Variants in REV1 observed in about 807,000 individuals in gnomAD.
The protein encoded by REV1 is REV1 DNA directed polymerase, also known as translesion synthesis protein REV1.
REV1 carries 42 observed loss-of-function variants against 137.4 expected under a neutral mutation model. The ratio of observed to expected loss-of-function variants is 0.31; its 90% CI spans 0.24 to 0.40. The LOEUF (loss-of-function observed/expected upper bound fraction) is 0.40, where lower values mean the gene tolerates loss of function less well. REV1 is among the 10% of genes least tolerant of loss of function. REV1 has a pLI of 1.00. For missense variants in REV1, 1,282 were observed against 1,490.1 expected (o/e 0.86, Z 2.30); for synonymous variants, 524 against 519.2 (o/e 1.01, Z -0.12).
At chr2:99,456,120 T>C (rs1683513943) in intron 3 of REV1, among the ~76,000 whole-genome samples, 2 of 152,236 alleles carry the variant, frequency 1.3e-5, no homozygotes, top group South Asian at 2.1e-4. Context: ...CAGATTACAA[T>C]GCAGGCCTCA....
chr2:99,410,755 G>A lies in REV1; in HGVS notation c.2285C>T (p.Pro762Leu). Residue 762 changes from proline (P) to leucine (L), a missense_variant, in exon 14 of 23, where the codon CCT becomes CTT. Physicochemically the swap from Pro to Leu is moderately conservative, Grantham distance 98 (BLOSUM62 -3). Transcript: ENST00000258428. ...TTTTGCAGTTTCTACAGGAGCCCCA[G>A]GCTTTCGTACCATGATTTTGAGAGT... ...RLTLKIMVRK[P>L]GAPVETAKFG... 6.2e-7 allele frequency: 1 copy of A among 1,610,434 alleles called. No individual in the cohort carries two copies. The highest frequency in any genetic ancestry group is 1.3e-5 in the African/African-American group (1 of 74,684).
Position 99,458,300 on chromosome 2 carries a change from A to C in REV1, c.181+4196T>G, listed in dbSNP as rs141616057. Among the ~76,000 whole-genome samples, 508 of 152,344 alleles carry C rather than the reference A, an allele frequency of 3.3e-3. 3 individuals are homozygous for C. Among genetic ancestry groups the C allele is most frequent in the African/African-American group, 0.012 (492 of 41,582 alleles). On this transcript the variant is annotated intron_variant, in intron 3 of 22. Transcript: ENST00000258428. ...GGAAAAAAATATGAACAAATGTTTC[A>C]CCAATGATGATGTAAAGATAAGAAA...
chr2:99,420,374 A>G (rs1422714100), intron 11 of REV1, among the ~76,000 whole-genome samples: 1 of 152,150 alleles, frequency 6.6e-6, no homozygotes, highest in African/African-American at 2.4e-5. Context: ...CTCCTGCCCT[A>G]AATTGTCCCA....
intron 7 of REV1, 146 bp from the exon 8 acceptor site, chr2:99,434,594 T>C: frequency 2.2e-6 from 1 of 462,112 alleles, no homozygotes; most frequent in Non-Finnish European, 3.8e-6. Flanking sequence ...GCTAATACTT[T>C]AAAGATTATC....
intron 4 of REV1, among the ~76,000 whole-genome samples, chr2:99,448,072 T>G (rs1388108880): frequency 6.6e-6 from 1 of 152,230 alleles, no homozygotes; most frequent in Non-Finnish European, 1.5e-5. Flanking sequence ...AAGCCAAGTA[T>G]GTCTCCAGAG....
At chr2:99,489,434 G>A (rs1453745629) in intron 1 of REV1, among the ~76,000 whole-genome samples, 1 of 151,790 alleles carries the variant, frequency 6.6e-6, no homozygotes, top group Non-Finnish European at 1.5e-5. Context: ...GGCGCAGGAG[G>A]AAGGAGTTTG....
chr2:99,451,584 G>A, intron 3 of REV1: 2 of 894,148 alleles, frequency 2.2e-6, no homozygotes, highest in Admixed American at 4.9e-5. Flanking sequence ...TGAGTTGTGT[G>A]ACTTTGGAGA....
chr2:99,482,383 G>A (rs1041848957), intron 1 of REV1, among the ~76,000 whole-genome samples: 5 of 152,130 alleles, frequency 3.3e-5, no homozygotes, highest in African/African-American at 1.2e-4. Context: ...TGAGGTCTGC[G>A]AGTCATTCTA....
chr2:99,405,757 ACAT>A (rs1676191109), intron 17 of REV1, 150 bp downstream of exon 17: 1 of 495,220 alleles, frequency 2.0e-6, no homozygotes, highest in South Asian at 6.3e-5. Flanking sequence ...TTAGAATCCA[ACAT>A]CATGATCTAC....
chr2:99,453,234 C>T (rs1450148965), intron 3 of REV1, among the ~76,000 whole-genome samples: 2 of 151,850 alleles, frequency 1.3e-5, no homozygotes, highest in Admixed American at 1.3e-4. Context: ...TGGCACGTGC[C>T]TGTAGTCCCA....
chr2:99,485,351 A>G lies in REV1; in HGVS notation c.-11+4466T>C, dbSNP rs539259691. ...AAATAAATCATTATGAAAAGAACAG[A>G]AAGATACAGAGCACAGCTGGGTTAC... On this transcript the variant is annotated intron_variant, in intron 1 of 22. Coordinates refer to ENST00000258428, the MANE Select transcript of REV1 (RefSeq NM_016316.4). Among the ~76,000 whole-genome samples the G allele has an allele frequency of 2.2e-4, 33 of 152,376 alleles. No homozygotes were observed. The East Asian group carries it at 5.0e-3, about 23-fold the overall frequency.
chr2:99,473,375 A>G (rs1241177366), intron 1 of REV1, among the ~76,000 whole-genome samples: 3 of 151,506 alleles, frequency 2.0e-5, no homozygotes, highest in Admixed American at 6.6e-5. Flanking sequence ...CAAAAAAAAA[A>G]AAAAGAAAAG....
At chr2:99,476,792 T>G (rs1686026001) in intron 1 of REV1, among the ~76,000 whole-genome samples, 2 of 152,198 alleles carry the variant, frequency 1.3e-5, no homozygotes, top group African/African-American at 4.8e-5. Flanking sequence ...TGAGCTTCCC[T>G]GATAGGCAAT....
intron 1 of REV1, among the ~76,000 whole-genome samples, chr2:99,474,702 G>A (rs1440617224): frequency 6.6e-6 from 1 of 152,094 alleles, no homozygotes; most frequent in Admixed American, 6.5e-5. Flanking sequence ...AGAAGTTTGA[G>A]ACCAGCCTGA....
intron 3 of REV1, among the ~76,000 whole-genome samples, chr2:99,455,328 C>G (rs1683414415): frequency 1.3e-5 from 2 of 151,990 alleles, no homozygotes; most frequent in Non-Finnish European, 2.9e-5. Context: ...CTGTGCATAC[C>G]CTTCTGTCTT....
chr2:99,477,208 T>C (rs948996133), intron 1 of REV1, among the ~76,000 whole-genome samples: 2 of 152,140 alleles, frequency 1.3e-5, no homozygotes, highest in African/African-American at 2.4e-5. Flanking sequence ...AGACTACATT[T>C]CCCACGCTCC....
Position 99,439,153 on chromosome 2 carries a change from T to A in REV1, c.661A>T (p.Ser221Cys). The A allele has an allele frequency of 3.1e-6, 5 of 1,614,132 alleles. No homozygotes were observed. Among genetic ancestry groups the A allele is most frequent in the Non-Finnish European group, 3.4e-6 (4 of 1,180,000 alleles). Residue 221 changes from serine (S) to cysteine (C), a missense_variant, in exon 6 of 23, where the codon AGC becomes TGC. By Grantham distance (112) the Ser-to-Cys change is moderately radical. Coordinates refer to ENST00000258428, the MANE Select transcript of REV1 (RefSeq NM_016316.4). ...GTGTGTCCATTAAAAATGGCAGTGC[T>A]CCCTCTGGGATGCGGAATTCCATTC... ...KQNGIPHPRG[S>C]TAIFNGHTPS...
chr2:99,462,412 A>G, intron 3 of REV1, 84 bp downstream of exon 3: 1 of 1,253,624 alleles, frequency 8.0e-7, no homozygotes, highest in East Asian at 2.4e-5. Flanking sequence ...ATAATAAATG[A>G]GTAAAAATAG....
At chr2:99,407,578 T>C (rs1676516928) in intron 15 of REV1, among the ~76,000 whole-genome samples, 4 of 151,632 alleles carry the variant, frequency 2.6e-5, no homozygotes, top group Admixed American at 1.3e-4. Context: ...CACAAAAATC[T>C]ATGGTTTTGA....
Sources: gnomAD v4.1 joint callset for allele counts (sites outside exome capture counted in the v4.1 genomes callset) on GRCh38, gnomAD v4.1.1 for gene constraint, MANE v1.5 for transcripts, NCBI Gene and HGNC (gene_info 2026-07-23, HGNC 2026-07-21) for gene names.